AGAP4: variants seen among roughly 807,000 people sequenced by gnomAD.
AGAP4 encodes ArfGAP with GTPase domain, ankyrin repeat and PH domain 4.
A neutral mutation model predicts 60.7 loss-of-function variants in AGAP4; 13 were observed. The ratio of observed to expected loss-of-function variants is 0.21; its 90% CI spans 0.14 to 0.34. AGAP4 has a LOEUF of 0.34. Among genes scored for constraint, AGAP4 ranks in the 10% least tolerant of loss-of-function variants. The pLI, the probability that AGAP4 is intolerant of heterozygous loss-of-function variation, is 1.00. For synonymous variants in AGAP4, 70 were observed against 339.0 expected (o/e 0.21, Z 8.72); for missense variants, 169 against 884.0 (o/e 0.19, Z 10.26).
chr10:45,838,445 TAATA>T (rs1375979545), intron 4 of AGAP4, among the ~76,000 whole-genome samples: 5 of 151,126 alleles, frequency 3.3e-5, no homozygotes, highest in African/African-American at 9.7e-5. Context: ...CCTATGGAAA[TAATA>T]AATAAATAAA....
upstream of AGAP4, chr10:45,847,958 A>C (rs2059027201): frequency 8.7e-6 from 9 of 1,039,576 alleles, no homozygotes; most frequent in South Asian, 2.5e-4. Flanking sequence ...TTTAGTCCTA[A>C]GAAAAGCAAA....
chr10:45,837,050 A>G (rs1166633171), intron 4 of AGAP4, among the ~76,000 whole-genome samples: 4 of 140,580 alleles, frequency 2.8e-5, no homozygotes, highest in African/African-American at 1.0e-4. Flanking sequence ...TATTTTTAGT[A>G]GAGATGGGAT....
rs74968044 is a variant in AGAP4, at chr10:45,839,754, T to G, written c.396+1899A>C. On this transcript the variant is annotated intron_variant, in intron 4 of 7. Coordinates refer to ENST00000616763, the MANE Select transcript of AGAP4 (RefSeq NM_001276343.3). ...AAGCAGGCCAGGAACCACCACACAT[T>G]GGAGGGAAGCCTCCAAGAAAAGAGA... Among the ~76,000 whole-genome samples the G allele has an allele frequency of 4.2e-3, 487 of 116,066 alleles. 86 individuals carry two copies. Among genetic ancestry groups the G allele is most frequent in the Middle Eastern group, 8.5e-3 (2 of 236 alleles). 76.1% of individuals were successfully genotyped at this position (116,066 alleles called of 152,430 possible).
chr10:45,852,750 A>G (rs1212688425), intron 1 of AGAP4, among the ~76,000 whole-genome samples: 12 of 152,120 alleles, frequency 7.9e-5, no homozygotes, highest in East Asian at 3.9e-4. Context: ...CAGTTTCAGT[A>G]ACCAGTATCT....
chr10:45,844,636 T>G (rs2058972009), intron 2 of AGAP4: 1 of 371,086 alleles, frequency 2.7e-6, no homozygotes, highest in Non-Finnish European at 4.6e-6. Context: ...GAGGCCAGCA[T>G]GAGTAACATA....
rs1554897286 is a variant in AGAP4 at position 45,832,489 on chromosome 10, A to G, written c.498-1060T>C. Among the ~76,000 whole-genome samples the G allele has an allele frequency of 2.0e-5, 3 of 146,486 alleles. 1 individual carries two copies. Among genetic ancestry groups the G allele is most frequent in the Non-Finnish European group, 4.6e-5 (3 of 65,804 alleles). On this transcript the variant is annotated intron_variant, in intron 5 of 7. Transcript: ENST00000616763. Reference sequence around the variant, plus strand: ...CATGAGACATTTTAATTTAATTAGTATTGGGTATGGCTTTGGGCATCAAGG... The same window carrying G: ...CATGAGACATTTTAATTTAATTAGTGTTGGGTATGGCTTTGGGCATCAAGG...
chr10:45,831,850 A>C, intron 5 of AGAP4, among the ~76,000 whole-genome samples: 1 of 142,482 alleles, frequency 7.0e-6, no homozygotes, highest in South Asian at 2.4e-4. Context: ...AGCGATTCTC[A>C]TGCCTCAGCC....
At position 45,838,821 on chromosome 10, in the gene AGAP4, T is replaced by G. The variant is rs879985639; in HGVS notation, c.396+2832A>C. The stretch of plus-strand genomic sequence containing the variant: ...GAACAAATCTTAATTAACTTAAATA[T>G]TTCTAACACTTTGGGCATTCAGGAA... On this transcript the variant is annotated intron_variant, in intron 4 of 7. Coordinates refer to ENST00000616763, the MANE Select transcript of AGAP4 (RefSeq NM_001276343.3). Among the ~76,000 whole-genome samples the G allele has an allele frequency of 5.0e-4, 75 of 151,170 alleles. 2 individuals are homozygous for G. The highest frequency in any genetic ancestry group is 9.3e-4 in the Non-Finnish European group (63 of 67,662).
At chr10:45,847,658 GAAGA>G (rs2059022289), upstream of AGAP4, 1 of 1,348,198 alleles carries the variant, frequency 7.4e-7, no homozygotes, top group Non-Finnish European at 9.6e-7. Context: ...ACAACTGCCT[GAAGA>G]GAGAACAGAC....
chr10:45,838,711 A>C (rs1466079135), intron 4 of AGAP4, among the ~76,000 whole-genome samples: 2 of 151,428 alleles, frequency 1.3e-5, no homozygotes, highest in African/African-American at 2.4e-5. Flanking sequence ...GGTAATACGA[A>C]AGGCGCATGC....
At chr10:45,838,774 C>A (rs1458419644) in intron 4 of AGAP4, among the ~76,000 whole-genome samples, 1 of 151,598 alleles carries the variant, frequency 6.6e-6, no homozygotes, top group Non-Finnish European at 1.5e-5. Flanking sequence ...TGAGGACTTG[C>A]GATGTTGACC....
upstream of AGAP4, chr10:45,847,994 T>C (rs1253852015): frequency 2.6e-4 from 268 of 1,015,630 alleles, no homozygotes; most frequent in African/African-American, 4.2e-3. Flanking sequence ...TGAAGCCATC[T>C]TCCTCTATGA....
In AGAP4 at chr10:45,826,960, T is replaced by A; in HGVS notation, c.1016A>T (p.Lys339Ile). ...KEIDLQTSTI[K>I]VPGKWPSLAT... ...TAGGGATGGCCACTTTCCTGGGACT[T>A]TGATGGTAGATGTCTGAAGGTCAAT... The change falls in exon 8 of 8, where the codon AAA (lysine) becomes ATA (isoleucine). Residue 339 changes from lysine (K) to isoleucine (I), a missense_variant. Physicochemically the swap from Lys to Ile is moderately radical, Grantham distance 102. Coordinates refer to ENST00000616763, the MANE Select transcript of AGAP4 (RefSeq NM_001276343.3). 7.0e-7 allele frequency: 1 copy of A among 1,422,364 alleles called. No homozygotes were observed. The highest frequency in any genetic ancestry group is 1.8e-5 in the Admixed American group (1 of 55,708). The allele number at this position is 1,422,364 out of a possible 1,614,324, so 88.1% of individuals were successfully genotyped here.
At chr10:45,830,406 A>G (rs1234202753) in intron 6 of AGAP4, among the ~76,000 whole-genome samples, 1 of 130,726 alleles carries the variant, frequency 7.6e-6, no homozygotes, top group Non-Finnish European at 1.7e-5. Flanking sequence ...TCCTGACCTC[A>G]AGTGATCCAC....
chr10:45,846,846 G>A (rs1390281820), intron 1 of AGAP4, 91 bp from the exon 2 acceptor site: 3 of 631,518 alleles, frequency 4.8e-6, no homozygotes, highest in Non-Finnish European at 8.2e-6. Flanking sequence ...TTCGACAAGA[G>A]CCATAAATAA....
At chr10:45,847,055 C>G in intron 1 of AGAP4, 70 bp downstream of exon 1, 1 of 1,597,168 alleles carries the variant, frequency 6.3e-7, no homozygotes, top group African/African-American at 1.3e-5. Context: ...GGGGATGCCT[C>G]AAAGGGAACC....
chr10:45,841,451 G>C (rs2058917425), intron 4 of AGAP4: 1 of 456,142 alleles, frequency 2.2e-6, no homozygotes, highest in Non-Finnish European at 3.9e-6. Flanking sequence ...TTAAATGTCA[G>C]AAATCTTTAA....
intron 4 of AGAP4, among the ~76,000 whole-genome samples, chr10:45,834,776 T>TAA (rs2058789816): frequency 3.5e-5 from 5 of 140,954 alleles, no homozygotes; most frequent in Admixed American, 6.9e-5. Flanking sequence ...ATTAATTAAT[T>TAA]TATTTATTTA....
At chr10:45,837,674 G>A (rs1259284283) in intron 4 of AGAP4, among the ~76,000 whole-genome samples, 1 of 151,764 alleles carries the variant, frequency 6.6e-6, no homozygotes, top group Non-Finnish European at 1.5e-5. Flanking sequence ...ACATGCGGGA[G>A]AATGAAACTG....
Sources: allele counts gnomAD v4.1 joint callset (sites outside exome capture counted in the v4.1 genomes callset), GRCh38; gene constraint gnomAD v4.1.1; transcripts MANE v1.5; gene names NCBI Gene and HGNC (gene_info 2026-07-23, HGNC 2026-07-21).